ZMYM3: variants seen among roughly 807,000 people sequenced by gnomAD.
The protein encoded by ZMYM3 is zinc finger MYM-type containing 3.
In ZMYM3, 6 loss-of-function variants were observed where a neutral mutation model predicts 94.2. The observed-to-expected ratio is 0.06, with a 90% CI of 0.03 to 0.13. The LOEUF (loss-of-function observed/expected upper bound fraction) is 0.13, where lower values mean the gene tolerates loss of function less well. Among genes scored for constraint, ZMYM3 ranks in the 10% least tolerant of loss-of-function variants. ZMYM3 has a pLI of 1.00. For synonymous variants in ZMYM3, 420 were observed against 426.5 expected (o/e 0.98, Z 0.19); for missense variants, 664 against 1,132.6 (o/e 0.59, Z 5.94).
chrX:71,247,657 C>T (rs1049754334), intron 12 of ZMYM3, 77 bp downstream of exon 12: 10 of 1,157,479 alleles, frequency 8.6e-6, no homozygotes, highest in Non-Finnish European at 2.3e-6. Context: ...GATCTGTCCA[C>T]ACCCCGAGCT....
At chrX:71,253,338 A>G in intron 1 of ZMYM3, 64 bp from the exon 2 acceptor site, 1 of 888,724 alleles carries the variant, frequency 1.1e-6, no homozygotes, top group Non-Finnish European at 1.5e-6. Context: ...CTTCTTATAT[A>G]GGCTCTGAGA....
intron 4 of ZMYM3, 147 bp from the exon 5 acceptor site, chrX:71,250,873 T>C (rs755693076): frequency 4.0e-5 from 24 of 602,363 alleles, no homozygotes; most frequent in Non-Finnish European, 5.8e-5. Context: ...CTTAAGACCT[T>C]GGTGTCTCTC....
chrX:71,251,141 A>G (rs1370936906), intron 4 of ZMYM3, 37 bp downstream of exon 4: 2 of 1,196,225 alleles, frequency 1.7e-6, no homozygotes, highest in Admixed American at 4.4e-5. Context: ...TTCCACACCC[A>G]GAACTCCCAG....
chrX:71,253,014 C>T lies in ZMYM3; in HGVS notation c.242G>A (p.Gly81Glu). 2 of 1,206,936 alleles carry T rather than the reference C, an allele frequency of 1.7e-6. No homozygotes were observed. The highest frequency in any genetic ancestry group is 1.1e-6 in the Non-Finnish European group (1 of 893,170). The stretch of plus-strand genomic sequence containing the variant: ...GGCTTTATAGAGCAGCCCCCCCAGC[C>T]CCAGCAACTCAGTGGCTCCATCCAG... ...GVLDGATELL[G>E]LGGLLYKAPS... is the part of the protein sequence containing the mutation. The change falls in exon 2 of 25, where the codon GGG (glycine) becomes GAG (glutamate). Residue 81 changes from glycine to glutamate, a missense_variant. Gly to Glu is a moderately conservative substitution (Grantham distance 98). Around this residue, in one of 9 missense-constraint regions of ZMYM3, gnomAD observed 196 missense variants for 190.8 expected, o/e 1.03. Transcript: ENST00000314425.
Position 71,244,898 on chromosome X carries a change from TGAAAA to T in ZMYM3, c.3008-10_3008-6del. 8.5e-7 allele frequency: 1 copy of T among 1,182,865 alleles called. No homozygotes were observed. ...TGGGATTAATGTCCAGAGGATCTAATGAAAAGGAAAGAAAGAAGAAATCAATTTCT... is the reference window on the plus strand; with the variant it reads ...TGGGATTAATGTCCAGAGGATCTAATGGAAAGAAAGAAGAAATCAATTTCT... On this transcript the variant is annotated splice_polypyrimidine_tract_variant and splice_region_variant and intron_variant, in intron 18 of 24. Coordinates refer to ENST00000314425, the MANE Select transcript of ZMYM3 (RefSeq NM_201599.3).
intron 3 of ZMYM3, 53 bp downstream of exon 3, chrX:71,251,505 T>C: frequency 8.6e-7 from 1 of 1,157,409 alleles, no homozygotes; most frequent in African/African-American, 1.8e-5. Flanking sequence ...GAAGGGTCTG[T>C]CCTTCCCAGA....
intron 1 of ZMYM3, 47 bp from the exon 2 acceptor site, chrX:71,253,321 T>C: frequency 9.9e-7 from 1 of 1,011,291 alleles, no homozygotes; most frequent in South Asian, 2.6e-5. Context: ...GGTCTTAGCC[T>C]GAATTCCTTC....
rs758670743 is a variant in ZMYM3 at position 71,241,119 on chromosome X, G to A, written c.3921-11C>T. 1.5e-5 allele frequency: 18 copies of A among 1,200,187 alleles called. No individual in the cohort carries two copies. The highest frequency in any genetic ancestry group is 5.3e-5 in the African/African-American group (3 of 56,581). ...CGGAGGCTTTCAGGACTGCAACATC[G>A]GGGGTGGGAGTGGGAGTGGGGGTGG... is the stretch of plus-strand genomic sequence containing the variant. On this transcript the variant is annotated splice_polypyrimidine_tract_variant and intron_variant, in intron 24 of 24. Transcript: ENST00000314425.
At chrX:71,248,906 G>A in intron 8 of ZMYM3, 105 bp from the exon 9 acceptor site, 1 of 1,116,088 alleles carries the variant, frequency 9.0e-7, no homozygotes, top group Middle Eastern at 3.0e-4. Flanking sequence ...AAAATCCATG[G>A]GGAGATGTGG....
intron 21 of ZMYM3, 137 bp from the exon 22 acceptor site, chrX:71,243,221 G>C (rs1050359652): frequency 1.9e-6 from 1 of 516,420 alleles, no homozygotes; most frequent in Non-Finnish European, 3.2e-6. Context: ...AGGTGGCCTC[G>C]AGTGCTTTCC....
chrX:71,252,989 G>A lies in ZMYM3; in HGVS notation c.267C>T (p.Ala89=). ...LLGLGGLLYK[A]PSPPEVDHGP... is the part of the protein sequence containing the mutation. ...CGTGGTCCACCTCCGGGGGAGAGGG[G>A]GCTTTATAGAGCAGCCCCCCCAGCC... The change falls in exon 2 of 25, where the codon GCC becomes GCT. Residue 89 remains alanine, a synonymous_variant. Transcript: ENST00000314425. 1 of 1,209,650 alleles carries A rather than the reference G, an allele frequency of 8.3e-7. No homozygotes were observed. Among genetic ancestry groups the A allele is most frequent in the Non-Finnish European group, 1.1e-6 (1 of 894,622 alleles).
At chrX:71,254,172 T>C (rs1326608200), upstream of ZMYM3, 1 of 112,326 alleles carries the variant, frequency 8.9e-6, no homozygotes, top group Non-Finnish European at 1.9e-5. Flanking sequence ...CGCCCAGCGC[T>C]CTGCACCAGG....
chrX:71,251,064 C>A lies in ZMYM3; in HGVS notation c.778+114G>T, dbSNP rs1006260529. 3.8e-5 allele frequency: 30 copies of A among 792,876 alleles called. No homozygotes were observed. In the East Asian group the frequency reaches 9.6e-4, roughly 25 times the overall value. 65.3% of individuals were successfully genotyped at this position (792,876 alleles called of 1,213,427 possible). A position where few individuals can be genotyped will look rare whatever the true frequency, so the allele number is the denominator to read the frequency against. On this transcript the variant is annotated intron_variant, in intron 4 of 24. Coordinates refer to ENST00000314425, the MANE Select transcript of ZMYM3 (RefSeq NM_201599.3). ...CCATAGCAGAGACAGGCACTTCATG[C>A]GCTTCATGGAGCAGGACGGCAGGAG...
chrX:71,247,692 C>T, intron 12 of ZMYM3, 42 bp downstream of exon 12: 1 of 1,190,904 alleles, frequency 8.4e-7, no homozygotes, highest in South Asian at 1.9e-5. Context: ...GTGCTCCCCA[C>T]TGCCCTCTTT....
Position 71,246,454 on chromosome X carries a change from G to A in ZMYM3, c.2471C>T (p.Pro824Leu). Residue 824 changes from proline (P) to leucine (L), a missense_variant, in exon 15 of 25, where the codon CCA becomes CTA. This residue lies in a region of ZMYM3 where 57 missense variants were observed against 52.0 expected (regional missense o/e 1.10). Transcript: ENST00000314425. ...TAPTPPPPPP[P>L]ATPRKNKAAM... is the part of the protein sequence containing the mutation. ...AGCCTTGTTTTTGCGGGGTGTTGCT[G>A]GGGGTGGTGGGGGTGGAGGGGTGGG... 1 of 1,160,650 alleles carries A rather than the reference G, an allele frequency of 8.6e-7. No homozygotes were observed. Among genetic ancestry groups the A allele is most frequent in the South Asian group, 2.0e-5 (1 of 50,731 alleles).
chrX:71,248,368 G>A, intron 10 of ZMYM3, 56 bp from the exon 11 acceptor site: 1 of 1,193,603 alleles, frequency 8.4e-7, no homozygotes, highest in Non-Finnish European at 1.1e-6. Flanking sequence ...CCCCAGCAGG[G>A]GCCAAGTGGA....
intron 4 of ZMYM3, 121 bp downstream of exon 4, chrX:71,251,057 C>T: frequency 2.7e-6 from 2 of 745,152 alleles, no homozygotes; most frequent in African/African-American, 2.1e-5. Flanking sequence ...GAGACAGGCA[C>T]TTCATGCGCT....
Position 71,251,567 on chromosome X carries a change from C to A in ZMYM3, c.702G>T (p.Pro234=). Residue 234 remains proline (P), a synonymous_variant, in exon 3 of 25, where the codon CCG becomes CCT. Coordinates refer to ENST00000314425, the MANE Select transcript of ZMYM3 (RefSeq NM_201599.3). ...ATCCCCTCCCCCTCACCCGTTCAGGCGGCTTCTCACTCGCCTTCGCAGTCA... is the reference window on the plus strand; with the variant it reads ...ATCCCCTCCCCCTCACCCGTTCAGGAGGCTTCTCACTCGCCTTCGCAGTCA... ...DGLTAKASEK[P]PERKRSERVR... 8.4e-7 allele frequency: 1 copy of A among 1,193,372 alleles called. No homozygotes were observed. Among genetic ancestry groups the A allele is most frequent in the Non-Finnish European group, 1.1e-6 (1 of 886,402 alleles).
At position 71,250,409 on chromosome X, in the gene ZMYM3, T is replaced by C. The variant is rs769234773; in HGVS notation, c.1073+23A>G. ...CCTGCCCAGATCCCTGCCCTCTGCA[T>C]AGCCCCCAAGACCCTCACGCACTTC... On this transcript the variant is annotated intron_variant, in intron 5 of 24. Coordinates refer to ENST00000314425, the MANE Select transcript of ZMYM3 (RefSeq NM_201599.3). The C allele has an allele frequency of 3.4e-6, 4 of 1,186,856 alleles. No homozygotes were observed. In the Admixed American group the frequency reaches 9.1e-5, roughly 27 times the overall value.
Sources: gnomAD v4.1 joint callset for allele counts on GRCh38, gnomAD v4.1.1 for gene constraint, gnomAD v4.1.1 regional missense constraint, MANE v1.5 for transcripts, NCBI Gene and HGNC (gene_info 2026-07-23, HGNC 2026-07-21) for gene names.